Variants in EPB41 observed in about 807,000 individuals in gnomAD.
The protein encoded by EPB41 is erythrocyte membrane protein band 4.1, also known as protein 4.1.
A neutral mutation model predicts 108.0 loss-of-function variants in EPB41; 65 were observed. That is an observed-to-expected ratio of 0.60 (90% confidence interval 0.49 to 0.74). The LOEUF (loss-of-function observed/expected upper bound fraction) is 0.74, where lower values mean the gene tolerates loss of function less well. Among genes scored for constraint, EPB41 ranks in the 30% least tolerant of loss-of-function variants. EPB41 has a pLI of 0.00. For missense variants in EPB41, 875 were observed against 1,037.0 expected (o/e 0.84, Z 2.15); for synonymous variants, 336 against 358.9 (o/e 0.94, Z 0.72).
At chr1:29,112,869 G>A (rs566509336) in intron 19 of EPB41, among the ~76,000 whole-genome samples, 1 of 152,272 alleles carries the variant, frequency 6.6e-6, no homozygotes, top group Non-Finnish European at 1.5e-5. Flanking sequence ...GAAGGTAAAG[G>A]TACCTGAACC....
At chr1:29,064,159 T>G (rs1646964117) in intron 15 of EPB41, among the ~76,000 whole-genome samples, 3 of 152,204 alleles carry the variant, frequency 2.0e-5, no homozygotes, top group Admixed American at 2.0e-4. Context: ...TTTGGTGAAC[T>G]CTTGTTAACT....
intron 9 of EPB41, 39 bp from the exon 10 acceptor site, chr1:29,035,787 G>A (rs777888107): frequency 1.6e-5 from 24 of 1,461,234 alleles, no homozygotes; most frequent in Non-Finnish European, 2.1e-5. Context: ...TGTATCACAT[G>A]TAATACTTCA....
At chr1:28,995,032 A>G (rs1475788013) in intron 3 of EPB41, among the ~76,000 whole-genome samples, 1 of 150,090 alleles carries the variant, frequency 6.7e-6, no homozygotes. Flanking sequence ...ATATTATGCT[A>G]TATTTACTAA....
chr1:28,996,919 G>C (rs2096192060), intron 3 of EPB41, among the ~76,000 whole-genome samples: 2 of 152,126 alleles, frequency 1.3e-5, no homozygotes, highest in African/African-American at 4.8e-5. Context: ...GGAATCACTT[G>C]AGGCGGGGGA....
At chr1:29,110,197 G>T (rs1394781206) in intron 18 of EPB41, among the ~76,000 whole-genome samples, 1 of 138,802 alleles carries the variant, frequency 7.2e-6, no homozygotes, top group Non-Finnish European at 1.6e-5. Context: ...AAAAAAAAAT[G>T]TGCTGGGCAT....
At chr1:29,069,069 CT>C (rs1649946878) in intron 16 of EPB41, 5 of 961,034 alleles carry the variant, frequency 5.2e-6, no homozygotes, top group Non-Finnish European at 6.7e-6. Context: ...ATACCCTATT[CT>C]TTTTATGTTG....
At chr1:29,083,934 G>T (rs1657762459) in intron 16 of EPB41, among the ~76,000 whole-genome samples, 1 of 152,046 alleles carries the variant, frequency 6.6e-6, no homozygotes, top group Non-Finnish European at 1.5e-5. Context: ...ACCATCTGGG[G>T]GTATTACTTA....
chr1:29,008,938 A>G (rs1405448530), intron 4 of EPB41, among the ~76,000 whole-genome samples: 1 of 152,196 alleles, frequency 6.6e-6, no homozygotes, highest in Admixed American at 6.5e-5. Context: ...CAGACATTCT[A>G]TTAAGAAACA....
chr1:29,073,791 T>C (rs561944119), intron 16 of EPB41, among the ~76,000 whole-genome samples: 1 of 152,226 alleles, frequency 6.6e-6, no homozygotes, highest in South Asian at 2.1e-4. Flanking sequence ...TCAGTAAGAG[T>C]TTTGAAGGGA....
chr1:29,008,471 T>C (rs577834738), intron 4 of EPB41, among the ~76,000 whole-genome samples: 25 of 152,322 alleles, frequency 1.6e-4, no homozygotes, highest in African/African-American at 6.0e-4. Flanking sequence ...CACTGTCTTA[T>C]GTAAGGTTAC....
At position 29,053,642 on chromosome 1, in the gene EPB41, C is replaced by T. The variant is rs192350469; in HGVS notation, c.1845+330C>T. 1,264 of 244,898 alleles carry T rather than the reference C, an allele frequency of 5.2e-3. 6 individuals carry two copies. Among genetic ancestry groups the T allele is most frequent in the Non-Finnish European group, 6.3e-3 (775 of 123,896 alleles). The allele number at this position is 244,898 out of a possible 1,614,324, so 15.2% of individuals were successfully genotyped here. The stretch of plus-strand genomic sequence containing the variant: ...TGGTGCGATCTTGGCTCACTGCAAA[C>T]TCCGCCTCGTGGGTTCATGCCATTC... On this transcript the variant is annotated intron_variant, in intron 12 of 20. Coordinates refer to ENST00000343067, the MANE Select transcript of EPB41 (RefSeq NM_001376013.1).
chr1:28,990,725 G>A (rs2095998898), intron 2 of EPB41, among the ~76,000 whole-genome samples: 1 of 151,956 alleles, frequency 6.6e-6, no homozygotes, highest in African/African-American at 2.4e-5. Context: ...GCCTCAAGGG[G>A]TTTTTAACTG....
At chr1:29,033,908 C>T (rs1638392764) in intron 9 of EPB41, among the ~76,000 whole-genome samples, 1 of 152,204 alleles carries the variant, frequency 6.6e-6, no homozygotes, top group African/African-American at 2.4e-5. Flanking sequence ...TAAGGCTCAG[C>T]TTCCTTGTCA....
intron 8 of EPB41, among the ~76,000 whole-genome samples, chr1:29,031,165 G>T (rs1199380398): frequency 1.3e-5 from 2 of 152,148 alleles, no homozygotes; most frequent in Non-Finnish European, 2.9e-5. Context: ...AATTGAATTT[G>T]CCCCATAGCA....
intron 18 of EPB41, 55 bp downstream of exon 18, chr1:29,109,492 G>A (rs1668435160): frequency 6.9e-7 from 1 of 1,451,268 alleles, no homozygotes; most frequent in African/African-American, 1.4e-5. Flanking sequence ...TAAGCTTGCT[G>A]CCACCTCTCT....
chr1:29,107,202 A>C (rs1341764677), intron 17 of EPB41, among the ~76,000 whole-genome samples: 1 of 151,996 alleles, frequency 6.6e-6, no homozygotes, highest in Non-Finnish European at 1.5e-5. Flanking sequence ...AAAATAAATA[A>C]AAATTTAAAA....
chr1:28,904,170 T>G (rs79054678), intron 1 of EPB41, among the ~76,000 whole-genome samples: 1 of 144,030 alleles, frequency 6.9e-6, no homozygotes, highest in Non-Finnish European at 1.5e-5. Context: ...CGGCCCAGCT[T>G]TTTTTTTTTT....
chr1:29,028,602 T>C (rs1020592976), intron 7 of EPB41, among the ~76,000 whole-genome samples: 1 of 152,194 alleles, frequency 6.6e-6, no homozygotes, highest in Non-Finnish European at 1.5e-5. Context: ...AGCCCAAGTA[T>C]TGTGACTTGA....
chr1:28,994,441 GT>G (rs1206268846), intron 3 of EPB41, among the ~76,000 whole-genome samples: 1 of 151,990 alleles, frequency 6.6e-6, no homozygotes, highest in Non-Finnish European at 1.5e-5. Flanking sequence ...AAAGTGCTGG[GT>G]TTACAGGCTT....
Sources: gnomAD v4.1 joint callset for allele counts (sites outside exome capture counted in the v4.1 genomes callset) on GRCh38, gnomAD v4.1.1 for gene constraint, MANE v1.5 for transcripts, NCBI Gene and HGNC (gene_info 2026-07-23, HGNC 2026-07-21) for gene names.